NEK10: variants seen among roughly 807,000 people sequenced by gnomAD.
The protein encoded by NEK10 is serine/threonine-protein kinase Nek10.
In NEK10, 122 loss-of-function variants were observed where a neutral mutation model predicts 159.8. The ratio of observed to expected loss-of-function variants is 0.76; its 90% CI spans 0.66 to 0.89. NEK10 has a LOEUF of 0.89. Ranked by LOEUF, NEK10 falls within the 40% of genes least tolerant of loss-of-function variation. NEK10 has a pLI of 0.00. For synonymous variants in NEK10, 466 were observed against 457.1 expected (o/e 1.02, Z -0.25); for missense variants, 1,342 against 1,323.1 (o/e 1.01, Z -0.22).
intron 32 of NEK10, among the ~76,000 whole-genome samples, chr3:27,122,730 T>C (rs1327597468): frequency 6.6e-6 from 1 of 152,180 alleles, no homozygotes; most frequent in Non-Finnish European, 1.5e-5. Flanking sequence ...ATTAAGTTTA[T>C]ACCTTGGAAT....
intron 1 of NEK10, among the ~76,000 whole-genome samples, chr3:27,359,780 C>T (rs915195845): frequency 5.9e-5 from 9 of 152,116 alleles, no homozygotes; most frequent in South Asian, 2.1e-4. Context: ...TTCTATGTTA[C>T]GTCTAAAATT....
chr3:27,291,401 T>C lies in NEK10; in HGVS notation c.1477-11A>G. Reference sequence around the variant, plus strand: ...CTTCAGTTCATCCTCCTAATCAAAATATAAAAAGGAAATGGGTTTCTGTGA... The same window carrying C: ...CTTCAGTTCATCCTCCTAATCAAAACATAAAAAGGAAATGGGTTTCTGTGA... On this transcript the variant is annotated splice_polypyrimidine_tract_variant and intron_variant, in intron 17 of 35. Transcript: ENST00000691995. The C allele has an allele frequency of 6.2e-7, 1 of 1,609,764 alleles. No homozygotes were observed. Among genetic ancestry groups the C allele is most frequent in the Non-Finnish European group, 8.5e-7 (1 of 1,178,034 alleles).
In NEK10 at chr3:27,227,917, C is replaced by T. The variant is rs28575124; in HGVS notation, c.2091-25360G>A. Among the ~76,000 whole-genome samples, 568 of 152,176 alleles carry T rather than the reference C, an allele frequency of 3.7e-3. 6 individuals are homozygous for T. The highest frequency in any genetic ancestry group is 0.013 in the African/African-American group (521 of 41,510). On this transcript the variant is annotated intron_variant, in intron 23 of 35. Coordinates refer to ENST00000691995, the MANE Select transcript of NEK10 (RefSeq NM_001394966.1). ...GCAATTTGAGTAAAAACTGCTTTGT[C>T]GAAAAGCATCCAAGTTAAAGCAGAT...
In NEK10 at chr3:27,111,126, A is replaced by G; in HGVS notation, c.*146T>C. 1 of 636,804 alleles carries G rather than the reference A, an allele frequency of 1.6e-6. No homozygotes were observed. Among genetic ancestry groups the G allele is most frequent in the South Asian group, 2.3e-5 (1 of 43,482 alleles). The allele number at this position is 636,804 out of a possible 1,614,324, so 39.4% of individuals were successfully genotyped here. A position where few individuals can be genotyped will look rare whatever the true frequency, so the allele number is the denominator to read the frequency against. On this transcript the variant is annotated 3_prime_UTR_variant, in exon 36 of 36. Coordinates refer to ENST00000691995, the MANE Select transcript of NEK10 (RefSeq NM_001394966.1). ...TCATATACTCCAGCACAGGACCCCC[A>G]GAAAGAAGTCCTGCAGGCCCCATGG...
intron 23 of NEK10, among the ~76,000 whole-genome samples, chr3:27,230,535 C>T (rs145859542): frequency 2.0e-4 from 30 of 151,974 alleles, no homozygotes; most frequent in Middle Eastern, 3.4e-3. Context: ...TAACAATGAA[C>T]GTAAATGGCC....
At chr3:27,148,215 A>G (rs1210562538) in intron 30 of NEK10, among the ~76,000 whole-genome samples, 2 of 152,196 alleles carry the variant, frequency 1.3e-5, no homozygotes, top group African/African-American at 4.8e-5. Context: ...AGCAACCATT[A>G]TAGAATGGTT....
In NEK10 at chr3:27,311,024, GGAAA is replaced by G. The variant is rs1378306565; in HGVS notation, c.569-12_569-9del. ...CAAGTTTTTGAAAAATATCTATAAA[GGAAA>G]GAAAGAGCGCAAAGAGGCATCCAGA... On this transcript the variant is annotated splice_polypyrimidine_tract_variant and intron_variant, in intron 8 of 35. Transcript: ENST00000691995. The G allele has an allele frequency of 6.3e-7, 1 of 1,596,314 alleles. No homozygotes were observed. The highest frequency in any genetic ancestry group is 8.6e-7 in the Non-Finnish European group (1 of 1,164,476).
intron 3 of NEK10, among the ~76,000 whole-genome samples, chr3:27,349,427 C>T (rs1298041384): frequency 2.0e-5 from 3 of 152,098 alleles, no homozygotes; most frequent in Non-Finnish European, 4.4e-5. Flanking sequence ...AAGCTATATG[C>T]TCACTGCATG....
At chr3:27,229,315 C>A (rs111493847) in intron 23 of NEK10, among the ~76,000 whole-genome samples, 1 of 152,090 alleles carries the variant, frequency 6.6e-6, no homozygotes, top group African/African-American at 2.4e-5. Context: ...AAACTATAAA[C>A]ATTAAAGTCT....
rs2047543825 is a variant in NEK10 at position 27,346,234 on chromosome 3, T to C, written c.133-18A>G. 1.2e-6 allele frequency: 2 copies of C among 1,613,148 alleles called. No homozygotes were observed. Among genetic ancestry groups the C allele is most frequent in the Non-Finnish European group, 1.7e-6 (2 of 1,179,400 alleles). On this transcript the variant is annotated intron_variant, in intron 3 of 35. Transcript: ENST00000691995. ...GCTGGAAGCTACAGAAATAGAAGCA[T>C]AGAGTACATGAGGATCACAATTCAG...
At chr3:27,318,268 G>A (rs765695708) in intron 6 of NEK10, among the ~76,000 whole-genome samples, 14 of 152,152 alleles carry the variant, frequency 9.2e-5, no homozygotes, top group African/African-American at 1.4e-4. Context: ...GTTTTCTACC[G>A]TAAGTCTGAC....
chr3:27,285,431 A>T (rs1408044035), intron 20 of NEK10, among the ~76,000 whole-genome samples: 1 of 152,030 alleles, frequency 6.6e-6, no homozygotes, highest in Admixed American at 6.6e-5. Context: ...ACCTTACAGA[A>T]TTTTACACTG....
intron 20 of NEK10, among the ~76,000 whole-genome samples, chr3:27,285,828 A>G (rs1575592058): frequency 6.6e-6 from 1 of 152,178 alleles, no homozygotes; most frequent in East Asian, 1.9e-4. Flanking sequence ...TTCAGTACAC[A>G]CAGATCCATA....
At chr3:27,121,812 G>T (rs28564401) in intron 32 of NEK10, among the ~76,000 whole-genome samples, 1 of 152,070 alleles carries the variant, frequency 6.6e-6, no homozygotes, top group African/African-American at 2.4e-5. Flanking sequence ...TAATGTGGCC[G>T]TACAAAGGGG....
chr3:27,202,015 G>T (rs944092019), intron 24 of NEK10, among the ~76,000 whole-genome samples: 2 of 152,044 alleles, frequency 1.3e-5, no homozygotes, highest in Non-Finnish European at 1.5e-5. Flanking sequence ...TTCGGGCATG[G>T]TGGCACATAC....
chr3:27,257,542 T>C (rs537885322), intron 22 of NEK10, among the ~76,000 whole-genome samples: 2 of 152,292 alleles, frequency 1.3e-5, no homozygotes, highest in South Asian at 4.1e-4. Context: ...ATTCGCATTA[T>C]TAATAATAAT....
chr3:27,116,068 A>C lies in NEK10; in HGVS notation c.3243+7T>G, dbSNP rs754976673. The C allele has an allele frequency of 6.2e-7, 1 of 1,613,414 alleles. No individual in the cohort carries two copies. Among genetic ancestry groups the C allele is most frequent in the African/African-American group, 1.3e-5 (1 of 74,880 alleles). ...AAAATCATTCAGAGACACTGCAAAA[A>C]CCTCACCTGCATCTGTTCATATGTT... On this transcript the variant is annotated splice_region_variant and intron_variant, in intron 34 of 35. Transcript: ENST00000691995.
intron 32 of NEK10, among the ~76,000 whole-genome samples, chr3:27,130,568 G>T (rs1467766833): frequency 6.6e-6 from 1 of 152,182 alleles, no homozygotes; most frequent in African/African-American, 2.4e-5. Context: ...TTATGTCTCA[G>T]ACAGTTTGTA....
intron 32 of NEK10, among the ~76,000 whole-genome samples, chr3:27,125,557 T>C (rs561738747): frequency 6.6e-6 from 1 of 152,348 alleles, no homozygotes; most frequent in Admixed American, 6.5e-5. Context: ...TTTTTTATCT[T>C]TTCTAACATA....
Sources: allele counts gnomAD v4.1 joint callset (sites outside exome capture counted in the v4.1 genomes callset), GRCh38; gene constraint gnomAD v4.1.1; transcripts MANE v1.5; gene names NCBI Gene and HGNC (gene_info 2026-07-23, HGNC 2026-07-21).